Variants in AKT1S1 observed in about 807,000 individuals in gnomAD.
The protein encoded by AKT1S1 is AKT1 substrate 1, also known as proline-rich AKT1 substrate 1.
A neutral mutation model predicts 21.2 loss-of-function variants in AKT1S1; 17 were observed. The observed-to-expected ratio is 0.80, with a 90% CI of 0.55 to 1.20. AKT1S1 has a LOEUF of 1.20. AKT1S1 is among the 50% of genes most tolerant of loss of function. AKT1S1 has a pLI of 0.00. For missense variants in AKT1S1, 366 were observed against 368.3 expected, an observed-to-expected ratio of 0.99 and a Z score of 0.05; for synonymous variants, 181 against 165.6, an observed-to-expected ratio of 1.09 and a Z score of -0.72.
At chr19:49,870,111 G>GCACC in intron 4 of AKT1S1, 51 bp from the exon 5 acceptor site, 1 of 1,442,572 alleles carries the variant, frequency 6.9e-7, no homozygotes, top group Non-Finnish European at 9.1e-7. Context: ...CAATCCCCCT[G>GCACC]CACCCACACG....
At chr19:49,877,947 C>G (rs2074971479), upstream of AKT1S1, 1 of 736,828 alleles carries the variant, frequency 1.4e-6, no homozygotes, top group East Asian at 2.8e-5. Context: ...CAGGCGACTC[C>G]TTGAGCCCTG....
chr19:49,878,235 G>T (rs1485160860), upstream of AKT1S1: 9 of 1,557,874 alleles, frequency 5.8e-6, no homozygotes, highest in Middle Eastern at 1.7e-4. Context: ...TCCGTGTCGT[G>T]GAAAAGGTGC....
chr19:49,877,534 T>G (rs1281013534), upstream of AKT1S1: 2 of 564,806 alleles, frequency 3.5e-6, no homozygotes, highest in African/African-American at 1.9e-5. Flanking sequence ...CTGCGCCACG[T>G]GACTCCGATC....
At chr19:49,877,457 T>G, upstream of AKT1S1, 1 of 506,894 alleles carries the variant, frequency 2.0e-6, no homozygotes, top group South Asian at 2.7e-5. Flanking sequence ...TCCCACTTGT[T>G]TACTTCGTGG....
chr19:49,872,961 T>C lies in AKT1S1; in HGVS notation c.335A>G (p.Glu112Gly). 1 of 1,604,138 alleles carries C rather than the reference T, an allele frequency of 6.2e-7. No homozygotes were observed. The change falls in exon 2 of 5, where the codon GAG (glutamate) becomes GGG (glycine). Residue 112 changes from glutamate to glycine, a missense_variant. Glu to Gly is a moderately conservative substitution (Grantham distance 98). Transcript: ENST00000344175. ...DNEEDEDEPT[E>G]TETSGEQLGI... The stretch of plus-strand genomic sequence containing the variant: ...CAGCTGCTCCCCGGAGGTCTCTGTC[T>C]CTGTGGGCTCATCCTCGTCCTCCTC...
rs905978392 is a variant in AKT1S1 at position 49,873,603 on chromosome 19, G to C, written c.-7-301C>G. On this transcript the variant is annotated intron_variant, in intron 1 of 4. Transcript: ENST00000344175. This position sits in a 1 kb window ranked among gnomAD's most constrained non-coding sequence, Gnocchi z 6.9. ...GGGAGCCGCCAGCCACATGTGAACA[G>C]GGAGTACTGGAAAGGCAGGGAGTCC... 2.5e-6 allele frequency: 1 copy of C among 396,192 alleles called. No homozygotes were observed. The highest frequency in any genetic ancestry group is 4.4e-6 in the Non-Finnish European group (1 of 224,858). The allele number at this position is 396,192 out of a possible 1,614,324, so 24.5% of individuals were successfully genotyped here.
Position 49,871,715 on chromosome 19 carries a change from A to G in AKT1S1, c.459T>C (p.Asp153=). The change falls in exon 4 of 5, where the codon GAT becomes GAC. Residue 153 remains aspartate, a splice_region_variant and synonymous_variant. Coordinates refer to ENST00000344175, the MANE Select transcript of AKT1S1 (RefSeq NM_001098633.4). ...FCESDPESTD[D]GSLSEETPAG... ...CGGGGGTCTCCTCGCTCAGGCTGCC[A>G]TCTGAAAGAGAGGGTGGACTTCAGC... 2 of 1,612,716 alleles carry G rather than the reference A, an allele frequency of 1.2e-6. No individual in the cohort carries two copies. The highest frequency in any genetic ancestry group is 1.7e-6 in the Non-Finnish European group (2 of 1,179,250).
At chr19:49,876,284 C>G (rs1423110575) in intron 1 of AKT1S1, 1 of 1,176,748 alleles carries the variant, frequency 8.5e-7, no homozygotes, top group Non-Finnish European at 1.0e-6. Context: ...GGAAGTCCCG[C>G]CTTTGGACGG....
At chr19:49,877,910 A>G (rs749391047), upstream of AKT1S1, 40 of 877,902 alleles carry the variant, frequency 4.6e-5, no homozygotes, top group Non-Finnish European at 6.2e-5. Flanking sequence ...CCAGGGAAGA[A>G]CCTCCCATGG....
chr19:49,870,090 C>G, intron 4 of AKT1S1, 30 bp from the exon 5 acceptor site: 1 of 1,488,462 alleles, frequency 6.7e-7, no homozygotes, highest in Non-Finnish European at 9.0e-7. Flanking sequence ...GCGAGGTCAG[C>G]GCCGGCAGGG....
At chr19:49,871,484 C>T in intron 4 of AKT1S1, 63 bp downstream of exon 4, 1 of 1,603,456 alleles carries the variant, frequency 6.2e-7, no homozygotes, top group Non-Finnish European at 8.5e-7. Context: ...GGAGGGCTTC[C>T]TGGAGGAGGC....
At chr19:49,876,060 A>G (rs2074938352) in intron 1 of AKT1S1, 3 of 985,478 alleles carry the variant, frequency 3.0e-6, no homozygotes, top group African/African-American at 1.7e-5. Flanking sequence ...AAAAGAGCTA[A>G]GGAGGAGAGG....
chr19:49,873,316 C>A lies in AKT1S1; in HGVS notation c.-7-14G>T. 1 of 1,458,808 alleles carries A rather than the reference C, an allele frequency of 6.9e-7. No individual in the cohort carries two copies. The allele number at this position is 1,458,808 out of a possible 1,614,324, so 90.4% of individuals were successfully genotyped here. ...GCCATCCGCGCCCTGCGGGCCAGAG[C>A]AGGACAGAGGGGGCTGAGGCTTGGC... On this transcript the variant is annotated splice_polypyrimidine_tract_variant and intron_variant, in intron 1 of 4. Coordinates refer to ENST00000344175, the MANE Select transcript of AKT1S1 (RefSeq NM_001098633.4). The surrounding 1 kb of genome is among the most constrained non-coding windows in gnomAD (Gnocchi z 6.9).
At chr19:49,878,112 C>G (rs753534207), upstream of AKT1S1, 2 of 1,536,266 alleles carry the variant, frequency 1.3e-6, no homozygotes, top group Admixed American at 1.9e-5. Context: ...CTCGCTTGGG[C>G]CCCAGCCCTC....
Position 49,873,725 on chromosome 19 carries a change from C to T in AKT1S1, c.-7-423G>A. 1 of 166,726 alleles carries T rather than the reference C, an allele frequency of 6.0e-6. No homozygotes were observed. Among genetic ancestry groups the T allele is most frequent in the African/African-American group, 2.4e-5 (1 of 41,834 alleles). 10.3% of individuals were successfully genotyped at this position (166,726 alleles called of 1,614,324 possible). On this transcript the variant is annotated intron_variant, in intron 1 of 4. Transcript: ENST00000344175. The surrounding 1 kb of genome is among the most constrained non-coding windows in gnomAD (Gnocchi z 6.9). ...AAGCCGAACGAGCCGGGCGTGGTGG[C>T]TCAGGCCTGCAACCCCAGCACTTTG...
chr19:49,873,178 G>A lies in AKT1S1; in HGVS notation c.118C>T (p.Arg40Cys), dbSNP rs1448221112. The A allele has an allele frequency of 3.3e-6, 5 of 1,533,120 alleles. No homozygotes were observed. In the African/African-American group the frequency reaches 4.1e-5, roughly 13 times the overall value. 95.0% of individuals were successfully genotyped at this position (1,533,120 alleles called of 1,614,324 possible). ...GCAGCATAGGCACAGGGGCCCGGGC[G>A]GGGTGGTGGCGGCGGGGCCGCGGTC... is the stretch of plus-strand genomic sequence containing the variant. ...LLTAAPPPPP[R>C]PGPCAYAAHG... Residue 40 changes from arginine (R) to cysteine (C), a missense_variant, in exon 2 of 5, where the codon CGC becomes TGC. By Grantham distance (180) the Arg-to-Cys change is radical. Transcript: ENST00000344175. The surrounding 1 kb of genome is among the most constrained non-coding windows in gnomAD (Gnocchi z 6.9).
chr19:49,871,407 A>G, intron 4 of AKT1S1, 140 bp downstream of exon 4: 2 of 1,175,044 alleles, frequency 1.7e-6, no homozygotes, highest in South Asian at 1.3e-5. Flanking sequence ...CTCGTGTCCA[A>G]GAACTCGCCT....
intron 1 of AKT1S1, chr19:49,876,631 C>G: frequency 6.5e-7 from 1 of 1,530,574 alleles, no homozygotes; most frequent in Non-Finnish European, 8.8e-7. Context: ...GCCGGCCCGG[C>G]GCCGTCACCG....
rs1266484393 is a variant in AKT1S1, at chr19:49,869,888, C to A, written c.*29G>T. 2 of 1,457,716 alleles carry A rather than the reference C, an allele frequency of 1.4e-6. No individual in the cohort carries two copies. Among genetic ancestry groups the A allele is most frequent in the Non-Finnish European group, 1.8e-6 (2 of 1,090,218 alleles). The allele number at this position is 1,457,716 out of a possible 1,614,324, so 90.3% of individuals were successfully genotyped here. ...GGGGCGTAGTGTGGGACGGGGCGGA[C>A]GCGGCCCGGGGCGCTCCCTCCCTGG... On this transcript the variant is annotated 3_prime_UTR_variant, in exon 5 of 5. Transcript: ENST00000344175.
Sources: gnomAD v4.1 joint callset for allele counts on GRCh38, gnomAD v4.1.1 for gene constraint, Gnocchi (gnomAD v3.1) non-coding constraint, MANE v1.5 for transcripts, NCBI Gene and HGNC (gene_info 2026-07-23, HGNC 2026-07-21) for gene names.